Variants in QTMAN observed in about 807,000 individuals in gnomAD.
QTMAN encodes queuosine-tRNA mannosyltransferase.
At chr2:144,194,348 C>A in the QTMAN span, among the ~76,000 whole-genome samples, 1 of 152,116 alleles carries the variant, frequency 6.6e-6, no homozygotes, top group Non-Finnish European at 1.5e-5. Context: ...AGGTGAGTGG[C>A]TGAATTGGGC....
chr2:143,987,704 C>A, the QTMAN span, among the ~76,000 whole-genome samples: 10 of 152,190 alleles, frequency 6.6e-5, 1 homozygote, highest in Non-Finnish European at 7.3e-5. Context: ...GCAATAAGGG[C>A]AAGGATATTG....
chr2:144,258,119 G>C, the QTMAN span, among the ~76,000 whole-genome samples: 1 of 151,016 alleles, frequency 6.6e-6, no homozygotes, highest in Non-Finnish European at 1.5e-5. Flanking sequence ...GAAAAAGAAG[G>C]GACAGGCATT....
At chr2:144,111,343 G>T in the QTMAN span, among the ~76,000 whole-genome samples, 1 of 152,046 alleles carries the variant, frequency 6.6e-6, no homozygotes. Context: ...ACACCTCTGG[G>T]GCCATTCCAC....
the QTMAN span, chr2:143,941,088 C>T: frequency 6.6e-6 from 1 of 152,194 alleles, no homozygotes; most frequent in Non-Finnish European, 1.5e-5. Flanking sequence ...GTCTTGACTA[C>T]TGCTCAACCA....
At chr2:144,247,516 A>T in the QTMAN span, among the ~76,000 whole-genome samples, 1 of 152,150 alleles carries the variant, frequency 6.6e-6, no homozygotes, top group East Asian at 1.9e-4. Flanking sequence ...GCTGTGTAAT[A>T]GTGAAAAATC....
chr2:144,082,675 T>C, the QTMAN span, among the ~76,000 whole-genome samples: 1 of 152,102 alleles, frequency 6.6e-6, no homozygotes, highest in South Asian at 2.1e-4. Flanking sequence ...ATGTTACAGA[T>C]GAAGAAATTA....
At chr2:144,289,788 C>G in the QTMAN span, among the ~76,000 whole-genome samples, 1 of 152,166 alleles carries the variant, frequency 6.6e-6, no homozygotes, top group South Asian at 2.1e-4. Context: ...CACGATCCAA[C>G]TATGTGCTAT....
chr2:144,206,470 A>G, the QTMAN span, among the ~76,000 whole-genome samples: 5 of 152,306 alleles, frequency 3.3e-5, no homozygotes, highest in South Asian at 4.1e-4. Context: ...AAAGTATTCA[A>G]AAAAGTTACT....
At chr2:144,101,283 C>T in the QTMAN span, among the ~76,000 whole-genome samples, 1 of 152,016 alleles carries the variant, frequency 6.6e-6, no homozygotes, top group Admixed American at 6.6e-5. Flanking sequence ...GACATCTCCC[C>T]CACCTCTAAA....
the QTMAN span, among the ~76,000 whole-genome samples, chr2:144,312,562 A>G: frequency 6.6e-6 from 1 of 152,130 alleles, no homozygotes. Flanking sequence ...GACGCCAGTC[A>G]TTCTCCTCCC....
At chr2:144,227,284 G>A in the QTMAN span, among the ~76,000 whole-genome samples, 7 of 152,052 alleles carry the variant, frequency 4.6e-5, no homozygotes, top group Non-Finnish European at 1.0e-4. Flanking sequence ...AATAGTCTAT[G>A]CATAGAGTTA....
the QTMAN span, among the ~76,000 whole-genome samples, chr2:144,020,368 G>A: frequency 6.6e-6 from 1 of 152,218 alleles, no homozygotes; most frequent in Non-Finnish European, 1.5e-5. Flanking sequence ...AAGCACATCA[G>A]GGGAGGAACA....
the QTMAN span, among the ~76,000 whole-genome samples, chr2:144,247,702 T>C: frequency 6.6e-6 from 1 of 152,190 alleles, no homozygotes; most frequent in Non-Finnish European, 1.5e-5. Context: ...TGACAGGGTC[T>C]CATTTTCATA....
the QTMAN span, among the ~76,000 whole-genome samples, chr2:144,233,507 G>A: frequency 5.9e-5 from 9 of 152,260 alleles, no homozygotes; most frequent in East Asian, 1.9e-4. Flanking sequence ...GCCTTCCTTC[G>A]GTGATGCTGT....
At chr2:144,217,466 A>C in the QTMAN span, among the ~76,000 whole-genome samples, 1 of 152,014 alleles carries the variant, frequency 6.6e-6, no homozygotes, top group Non-Finnish European at 1.5e-5. Context: ...TATATGTTTT[A>C]TATGCTTGTG....
the QTMAN span, among the ~76,000 whole-genome samples, chr2:144,133,116 AATATATATATATAT>A: frequency 2.4e-4 from 10 of 41,376 alleles, no homozygotes; most frequent in South Asian, 1.4e-3. Context: ...AATGACTGGT[AATATATATATATAT>A]ATATATATAT....
chr2:144,324,394 G>A, the QTMAN span, among the ~76,000 whole-genome samples: 1 of 151,874 alleles, frequency 6.6e-6, no homozygotes, highest in South Asian at 2.1e-4. Flanking sequence ...ATTTGAATAC[G>A]ACAACAGATT....
chr2:144,186,444 T>C, the QTMAN span, among the ~76,000 whole-genome samples: 3 of 152,198 alleles, frequency 2.0e-5, no homozygotes, highest in Non-Finnish European at 4.4e-5. Flanking sequence ...TGGAAATAAA[T>C]ATGCAAACTA....
chr2:144,278,481 A>G, the QTMAN span, among the ~76,000 whole-genome samples: 4 of 152,004 alleles, frequency 2.6e-5, no homozygotes, highest in Non-Finnish European at 5.9e-5. Context: ...ACGGGCCAAG[A>G]GCTTTACATG....
Sources: gnomAD v4.1 joint callset for allele counts (sites outside exome capture counted in the v4.1 genomes callset) on GRCh38, gnomAD v4.1.1 for gene constraint, MANE v1.5 for transcripts, NCBI Gene and HGNC (gene_info 2026-07-23, HGNC 2026-07-21) for gene names.